The following JAZF1 variants were observed in gnomAD, a reference collection of about 807,000 sequenced individuals.
JAZF1 encodes the protein juxtaposed with another zinc finger protein 1.
A neutral mutation model predicts 26.4 loss-of-function variants in JAZF1; 8 were observed. The observed-to-expected ratio is 0.30, with a 90% CI of 0.18 to 0.55. The LOEUF (loss-of-function observed/expected upper bound fraction) is 0.55, where lower values mean the gene tolerates loss of function less well. Ranked by LOEUF, JAZF1 falls within the 20% of genes least tolerant of loss-of-function variation. The pLI is 0.94. For synonymous variants in JAZF1, 126 were observed against 122.3 expected (o/e 1.03, Z -0.20); for missense variants, 199 against 322.0 (o/e 0.62, Z 2.92).
At chr7:27,971,683 C>T (rs531776396) in intron 2 of JAZF1, among the ~76,000 whole-genome samples, 1 of 152,088 alleles carries the variant, frequency 6.6e-6, no homozygotes, top group Non-Finnish European at 1.5e-5. Flanking sequence ...AACGATAAAT[C>T]AAGTAGATTA....
intron 3 of JAZF1, among the ~76,000 whole-genome samples, chr7:27,885,072 A>G (rs1179355145): frequency 1.3e-5 from 2 of 152,202 alleles, no homozygotes; most frequent in African/African-American, 4.8e-5. Flanking sequence ...CCCCGGTTCT[A>G]AAGACTTTGA....
chr7:28,085,036 C>T (rs1784192958), intron 1 of JAZF1, among the ~76,000 whole-genome samples: 1 of 152,206 alleles, frequency 6.6e-6, no homozygotes. Flanking sequence ...GATGCAGCCC[C>T]TCAACCTTGG....
intron 1 of JAZF1, among the ~76,000 whole-genome samples, chr7:28,150,691 G>C (rs868573245): frequency 1.1e-4 from 16 of 152,188 alleles, no homozygotes; most frequent in African/African-American, 3.6e-4. Context: ...TCACACGGGG[G>C]AGACATTAGG....
chr7:27,962,907 T>C (rs1333760088), intron 2 of JAZF1, among the ~76,000 whole-genome samples: 1 of 152,228 alleles, frequency 6.6e-6, no homozygotes, highest in Non-Finnish European at 1.5e-5. Context: ...AAATCTTTTT[T>C]GTCCTTGTTA....
chr7:28,035,609 T>C (rs1027544415), intron 1 of JAZF1, among the ~76,000 whole-genome samples: 12 of 152,286 alleles, frequency 7.9e-5, no homozygotes, highest in African/African-American at 2.6e-4. Context: ...TGTGGTTCCT[T>C]GCTTTACTTT....
intron 1 of JAZF1, among the ~76,000 whole-genome samples, chr7:28,173,965 T>A (rs1378789349): frequency 6.6e-6 from 1 of 151,930 alleles, no homozygotes; most frequent in Non-Finnish European, 1.5e-5. Context: ...TACAATTTTC[T>A]TTACAGCAAT....
chr7:27,988,487 G>A (rs138245364), intron 2 of JAZF1, among the ~76,000 whole-genome samples: 2,642 of 150,914 alleles, frequency 0.018, 71 homozygotes, highest in African/African-American at 0.059. Flanking sequence ...CCATCCTCCC[G>A]CTTTAGCCTC....
rs78518195 is a variant in JAZF1 at position 27,963,462 on chromosome 7, G to A, written c.188+28447C>T. 5.2e-3 allele frequency among the ~76,000 whole-genome samples: 797 copies of A among 152,170 alleles called. 9 individuals are homozygous for A. The highest frequency in any genetic ancestry group is 0.018 in the African/African-American group (757 of 41,518). ...ATTAAGTTATAATGGTAAATTGGGGGTAGCTGTCAATCCTGGGGTCTTGCA... is the reference window on the plus strand; with the variant it reads ...ATTAAGTTATAATGGTAAATTGGGGATAGCTGTCAATCCTGGGGTCTTGCA... On this transcript the variant is annotated intron_variant, in intron 2 of 4. Transcript: ENST00000283928.
At chr7:27,916,796 G>A (rs1337154132) in intron 2 of JAZF1, among the ~76,000 whole-genome samples, 1 of 152,238 alleles carries the variant, frequency 6.6e-6, no homozygotes, top group East Asian at 1.9e-4. Flanking sequence ...CTCAGCCTCA[G>A]CTGGGAACGT....
intron 3 of JAZF1, among the ~76,000 whole-genome samples, chr7:27,888,159 C>T (rs369367152): frequency 6.6e-6 from 1 of 152,134 alleles, no homozygotes; most frequent in African/African-American, 2.4e-5. Flanking sequence ...TTTTAGGGAA[C>T]GTTGCTTAGG....
At chr7:28,115,233 ATT>A (rs1784724350) in intron 1 of JAZF1, among the ~76,000 whole-genome samples, 1 of 152,242 alleles carries the variant, frequency 6.6e-6, no homozygotes, top group Admixed American at 6.5e-5. Context: ...TAGCAGCCAC[ATT>A]TAAGGTAAGA....
At chr7:28,020,408 G>A (rs1038901593) in intron 1 of JAZF1, 2 of 362,454 alleles carry the variant, frequency 5.5e-6, no homozygotes, top group Admixed American at 3.4e-5. Context: ...CAGCCTGTGG[G>A]GTAACACTGC....
At chr7:27,998,754 C>T (rs740126) in intron 1 of JAZF1, among the ~76,000 whole-genome samples, 53,688 of 151,834 alleles carry the variant, frequency 0.35, 10,134 homozygotes, top group Middle Eastern at 0.44. Flanking sequence ...CATTTGTAGC[C>T]TGAGTTTTCC....
chr7:28,135,299 T>A (rs1782864386), intron 1 of JAZF1, among the ~76,000 whole-genome samples: 1 of 152,254 alleles, frequency 6.6e-6, no homozygotes, highest in Non-Finnish European at 1.5e-5. Context: ...ACAAGCAGGC[T>A]GTGTTGCTAC....
intron 3 of JAZF1, chr7:27,846,516 C>T (rs941539047): frequency 1.1e-5 from 5 of 470,894 alleles, no homozygotes; most frequent in Non-Finnish European, 2.2e-5. Context: ...CATGAGAGTG[C>T]AGACATCTTC....
At chr7:27,845,186 G>GGGGCAGGACA (rs1297150358) in intron 3 of JAZF1, among the ~76,000 whole-genome samples, 7 of 152,340 alleles carry the variant, frequency 4.6e-5, no homozygotes, top group African/African-American at 1.7e-4. Context: ...ATAAGCAGTT[G>GGGGCAGGACA]GGGCAGGACA....
rs1389340451 is a variant in JAZF1, at chr7:27,832,677, T to A, written c.*123A>T. ...TCATTCCAAAATTACAGAAAAAATT[T>A]AAAGCATGCATTTAATTCTTTTTCT... is the stretch of plus-strand genomic sequence containing the variant. On this transcript the variant is annotated 3_prime_UTR_variant, in exon 5 of 5. Coordinates refer to ENST00000283928, the MANE Select transcript of JAZF1 (RefSeq NM_175061.4). 2.6e-6 allele frequency: 2 copies of A among 760,196 alleles called. No individual in the cohort carries two copies. Among genetic ancestry groups the A allele is most frequent in the African/African-American group, 3.5e-5 (2 of 57,288 alleles). The allele number at this position is 760,196 out of a possible 1,614,324, so 47.1% of individuals were successfully genotyped here. A position where few individuals can be genotyped will look rare whatever the true frequency, so the allele number is the denominator to read the frequency against.
chr7:27,992,234 A>C (rs1367872308), intron 1 of JAZF1: 1 of 563,426 alleles, frequency 1.8e-6, no homozygotes, highest in African/African-American at 1.9e-5. Context: ...ACTCTTGCAC[A>C]ATCCCCCTTA....
At chr7:27,969,445 C>T (rs573413545) in intron 2 of JAZF1, among the ~76,000 whole-genome samples, 2 of 152,080 alleles carry the variant, frequency 1.3e-5, no homozygotes, top group African/African-American at 4.8e-5. Flanking sequence ...GGCTTCTCTG[C>T]GAATCCTTCT....
Sources: gnomAD v4.1 joint callset for allele counts (sites outside exome capture counted in the v4.1 genomes callset) on GRCh38, gnomAD v4.1.1 for gene constraint, MANE v1.5 for transcripts, NCBI Gene and HGNC (gene_info 2026-07-23, HGNC 2026-07-21) for gene names.